Variants in SDHAF4 observed in about 807,000 individuals in gnomAD.
SDHAF4 encodes the protein succinate dehydrogenase complex assembly factor 4, also known as succinate dehydrogenase assembly factor 4, mitochondrial.
SDHAF4 carries 14 observed loss-of-function variants against 14.3 expected under a neutral mutation model. The ratio of observed to expected loss-of-function variants is 0.98; its 90% confidence interval spans 0.65 to 1.53. The LOEUF is 1.53. Ranked by LOEUF, SDHAF4 falls within the 40% of genes most tolerant of loss-of-function variation. The probability of loss-of-function intolerance (pLI) is 0.00; values close to 1 mark genes in which losing one functional copy is unlikely to be tolerated. For synonymous variants in SDHAF4, 63 were observed against 47.3 expected, an observed-to-expected ratio of 1.33 and a Z score of -1.36; for missense variants, 141 against 129.3, an observed-to-expected ratio of 1.09 and a Z score of -0.44.
chr6:70,568,597 A>G (rs866476710), intron 1 of SDHAF4, among the ~76,000 whole-genome samples: 1 of 152,208 alleles, frequency 6.6e-6, no homozygotes, highest in South Asian at 2.1e-4. Flanking sequence ...GCCCTTCTCA[A>G]AGGACATTTG....
downstream of SDHAF4, among the ~76,000 whole-genome samples, chr6:70,592,293 G>T (rs1765263948): frequency 6.6e-6 from 1 of 152,212 alleles, no homozygotes; most frequent in East Asian, 1.9e-4. Context: ...GCAAAGATTG[G>T]AAGAGTTTGG....
chr6:70,580,292 A>G (rs925650910), intron 2 of SDHAF4, among the ~76,000 whole-genome samples: 1 of 152,172 alleles, frequency 6.6e-6, no homozygotes, highest in South Asian at 2.1e-4. Flanking sequence ...CTTCATACCC[A>G]CTAGGATGGC....
At chr6:70,585,294 T>C (rs1188585197) in intron 2 of SDHAF4, among the ~76,000 whole-genome samples, 1 of 152,252 alleles carries the variant, frequency 6.6e-6, no homozygotes, top group African/African-American at 2.4e-5. Context: ...CTGAACTGCG[T>C]ACTTAAAATG....
chr6:70,578,006 A>G (rs945516984), intron 1 of SDHAF4, among the ~76,000 whole-genome samples: 1 of 152,166 alleles, frequency 6.6e-6, no homozygotes, highest in Non-Finnish European at 1.5e-5. Context: ...TGTCTTTGCT[A>G]TTGTGAATAG....
At chr6:70,574,702 A>G (rs568539471) in intron 1 of SDHAF4, among the ~76,000 whole-genome samples, 48 of 152,010 alleles carry the variant, frequency 3.2e-4, no homozygotes, top group Non-Finnish European at 6.8e-4. Context: ...TTGGGAGGCA[A>G]GAGGATCACT....
chr6:70,595,201 A>G, the SDHAF4 span, among the ~76,000 whole-genome samples: 1 of 152,004 alleles, frequency 6.6e-6, no homozygotes, highest in Non-Finnish European at 1.5e-5. Context: ...GGCCTCACTC[A>G]CTCTCAGAGG....
chr6:70,598,312 G>A, the SDHAF4 span, among the ~76,000 whole-genome samples: 3 of 152,236 alleles, frequency 2.0e-5, no homozygotes, highest in African/African-American at 7.2e-5. Flanking sequence ...CCAGGAGGCA[G>A]AGGTTGCAGT....
At chr6:70,579,612 G>A in intron 2 of SDHAF4, 46 bp downstream of exon 2, 3 of 1,473,304 alleles carry the variant, frequency 2.0e-6, no homozygotes, top group Non-Finnish European at 2.7e-6. Context: ...ATCAAGGAAA[G>A]TGTTTTAGTT....
chr6:70,577,060 C>T (rs1802264789), intron 1 of SDHAF4, among the ~76,000 whole-genome samples: 1 of 152,214 alleles, frequency 6.6e-6, no homozygotes, highest in Admixed American at 6.5e-5. Context: ...AGGCTGCCCA[C>T]ATTCCTTGGC....
chr6:70,579,292 G>A (rs10455706), intron 1 of SDHAF4, 122 bp from the exon 2 acceptor site: 129,562 of 788,140 alleles, frequency 0.16, 11,725 homozygotes, highest in African/African-American at 0.27. Flanking sequence ...GCGTCCTTTT[G>A]TACTTTTTGA....
At chr6:70,587,199 A>ACACACACACACACACAC (rs1439822024) in intron 2 of SDHAF4, among the ~76,000 whole-genome samples, 3 of 75,416 alleles carry the variant, frequency 4.0e-5, no homozygotes, top group South Asian at 6.7e-4. Flanking sequence ...CACACACACA[A>ACACACACACACACACAC]GAATTAGGGG....
At chr6:70,573,559 C>T (rs1423225504) in intron 1 of SDHAF4, among the ~76,000 whole-genome samples, 3 of 151,546 alleles carry the variant, frequency 2.0e-5, no homozygotes, top group Non-Finnish European at 2.9e-5. Context: ...CCACAATGCC[C>T]GGCCAGCTAT....
At chr6:70,597,720 G>A in the SDHAF4 span, among the ~76,000 whole-genome samples, 2 of 152,056 alleles carry the variant, frequency 1.3e-5, no homozygotes, top group Non-Finnish European at 2.9e-5. Context: ...CAGGCTCTGT[G>A]GGATATTTAT....
At chr6:70,591,441 C>T (rs188605111), downstream of SDHAF4, among the ~76,000 whole-genome samples, 6 of 145,446 alleles carry the variant, frequency 4.1e-5, no homozygotes, top group Admixed American at 7.1e-5. Context: ...AAGCGATTCT[C>T]CTGCCTCACC....
chr6:70,590,820 A>G (rs1453431702), downstream of SDHAF4, among the ~76,000 whole-genome samples: 1 of 152,184 alleles, frequency 6.6e-6, no homozygotes, highest in Admixed American at 6.5e-5. Flanking sequence ...TGGTTCATGC[A>G]GTTCTAGAGG....
the SDHAF4 span, among the ~76,000 whole-genome samples, chr6:70,598,176 G>C: frequency 1.2e-4 from 18 of 152,212 alleles, no homozygotes; most frequent in Admixed American, 6.5e-4. Flanking sequence ...TCAGGAGTTT[G>C]AGACCAGCCT....
At chr6:70,567,105 G>C in intron 1 of SDHAF4, 101 bp downstream of exon 1, 3 of 1,192,016 alleles carry the variant, frequency 2.5e-6, no homozygotes, top group Non-Finnish European at 3.5e-6. Context: ...TGTCCTGGCC[G>C]TTCGGTGTTG....
chr6:70,569,402 G>C (rs1380216356), intron 1 of SDHAF4, among the ~76,000 whole-genome samples: 2 of 152,098 alleles, frequency 1.3e-5, no homozygotes, highest in Non-Finnish European at 2.9e-5. Flanking sequence ...CCAAGTAGCT[G>C]GTATTACAGG....
chr6:70,575,153 A>G (rs1012136117), intron 1 of SDHAF4, among the ~76,000 whole-genome samples: 1 of 152,214 alleles, frequency 6.6e-6, no homozygotes, highest in African/African-American at 2.4e-5. Context: ...CAAAGCAGGC[A>G]GATCACTTGA....
Sources: allele counts gnomAD v4.1 joint callset (sites outside exome capture counted in the v4.1 genomes callset), GRCh38; gene constraint gnomAD v4.1.1; transcripts MANE v1.5; gene names NCBI Gene and HGNC (gene_info 2026-07-23, HGNC 2026-07-21).